The following DACH1 variants were observed in gnomAD, a reference collection of about 807,000 sequenced individuals.
The protein encoded by DACH1 is dachshund family transcription factor 1.
In DACH1, 12 loss-of-function variants were observed where a neutral mutation model predicts 54.2. That is an observed-to-expected ratio of 0.22 (90% CI 0.14 to 0.36). The LOEUF is 0.36. Among genes scored for constraint, DACH1 ranks in the 10% least tolerant of loss-of-function variants. DACH1 has a pLI of 1.00. For synonymous variants in DACH1, 386 were observed against 366.2 expected (o/e 1.05, Z -0.62); for missense variants, 805 against 929.8 (o/e 0.87, Z 1.75).
At chr13:71,534,338 A>T (rs940795095) in intron 6 of DACH1, among the ~76,000 whole-genome samples, 2 of 152,076 alleles carry the variant, frequency 1.3e-5, no homozygotes, top group Admixed American at 6.6e-5. Context: ...AAAAATATTT[A>T]AAAAATAGTT....
chr13:71,615,800 A>G (rs745458236), intron 3 of DACH1, among the ~76,000 whole-genome samples: 1 of 152,172 alleles, frequency 6.6e-6, no homozygotes, highest in Non-Finnish European at 1.5e-5. Context: ...GGAAAGTCTT[A>G]GCTTTTTAGA....
intron 1 of DACH1, among the ~76,000 whole-genome samples, chr13:71,765,971 C>G (rs1429462226): frequency 6.6e-6 from 1 of 151,356 alleles, no homozygotes; most frequent in Admixed American, 6.6e-5. Flanking sequence ...ACTGCAAGCT[C>G]CGCCTCCCGG....
intron 2 of DACH1, among the ~76,000 whole-genome samples, chr13:71,657,266 C>A (rs1459707327): frequency 6.6e-6 from 1 of 151,724 alleles, no homozygotes; most frequent in Non-Finnish European, 1.5e-5. Flanking sequence ...GCTTCCTAGG[C>A]CGGGTATAGT....
intron 1 of DACH1, among the ~76,000 whole-genome samples, chr13:71,857,081 A>G (rs1874049465): frequency 6.6e-6 from 1 of 151,898 alleles, no homozygotes; most frequent in African/African-American, 2.4e-5. Flanking sequence ...GTGTCATTTA[A>G]TAATGTACAG....
At chr13:71,833,160 T>C (rs1460785308) in intron 1 of DACH1, among the ~76,000 whole-genome samples, 1 of 151,828 alleles carries the variant, frequency 6.6e-6, no homozygotes, top group Non-Finnish European at 1.5e-5. Flanking sequence ...TGCATCAGAT[T>C]CATCTGTAGC....
At chr13:71,860,362 T>C (rs1160507673) in intron 1 of DACH1, among the ~76,000 whole-genome samples, 1 of 151,500 alleles carries the variant, frequency 6.6e-6, no homozygotes, top group Non-Finnish European at 1.5e-5. Flanking sequence ...CATAAAATGA[T>C]AAAACTTTAT....
At chr13:71,808,949 C>A (rs982005874) in intron 1 of DACH1, among the ~76,000 whole-genome samples, 9 of 152,080 alleles carry the variant, frequency 5.9e-5, no homozygotes, top group Admixed American at 4.6e-4. Context: ...AACACAAACA[C>A]AGGAATGAAA....
At chr13:71,537,831 G>C (rs1367735699) in intron 6 of DACH1, among the ~76,000 whole-genome samples, 1 of 151,974 alleles carries the variant, frequency 6.6e-6, no homozygotes, top group African/African-American at 2.4e-5. Flanking sequence ...CAGAATAGCT[G>C]CTCAATGAAT....
intron 1 of DACH1, among the ~76,000 whole-genome samples, chr13:71,755,096 A>C (rs990037620): frequency 1.3e-5 from 2 of 152,186 alleles, no homozygotes; most frequent in Non-Finnish European, 2.9e-5. Flanking sequence ...TGTTGCCTGG[A>C]AACACTCCAC....
At chr13:71,771,642 T>C (rs964908767) in intron 1 of DACH1, among the ~76,000 whole-genome samples, 1 of 151,484 alleles carries the variant, frequency 6.6e-6, no homozygotes, top group Non-Finnish European at 1.5e-5. Flanking sequence ...AATTATTCTG[T>C]TGTGATAGAT....
intron 1 of DACH1, among the ~76,000 whole-genome samples, chr13:71,715,253 T>C (rs1566453194): frequency 6.6e-6 from 1 of 152,136 alleles, no homozygotes; most frequent in African/African-American, 2.4e-5. Flanking sequence ...CTGTCACTTA[T>C]TAGATGTGTG....
chr13:71,728,274 C>A (rs1883566264), intron 1 of DACH1, among the ~76,000 whole-genome samples: 2 of 151,886 alleles, frequency 1.3e-5, no homozygotes, highest in Non-Finnish European at 2.9e-5. Context: ...CTGTATGATA[C>A]TTGCCAAAAC....
At chr13:71,490,796 C>G (rs996848036) in intron 6 of DACH1, among the ~76,000 whole-genome samples, 2 of 152,126 alleles carry the variant, frequency 1.3e-5, no homozygotes, top group African/African-American at 2.4e-5. Flanking sequence ...CATATATGTG[C>G]ATGTGAAATT....
intron 1 of DACH1, among the ~76,000 whole-genome samples, chr13:71,714,523 A>G (rs567215640): frequency 2.0e-5 from 3 of 152,064 alleles, no homozygotes; most frequent in Non-Finnish European, 4.4e-5. Flanking sequence ...TTGTAGGTGT[A>G]GGTTTACATT....
intron 2 of DACH1, among the ~76,000 whole-genome samples, chr13:71,637,695 T>C (rs1019692639): frequency 1.3e-5 from 2 of 152,206 alleles, no homozygotes; most frequent in Non-Finnish European, 2.9e-5. Flanking sequence ...GTTTTTCTTC[T>C]GCTTTCAACC....
chr13:71,493,274 C>A (rs1290346619), intron 6 of DACH1, among the ~76,000 whole-genome samples: 1 of 152,076 alleles, frequency 6.6e-6, no homozygotes, highest in Non-Finnish European at 1.5e-5. Context: ...TGACATGAGA[C>A]AGCCCTGTGG....
At chr13:71,618,720 TA>T (rs1875973413) in intron 3 of DACH1, among the ~76,000 whole-genome samples, 2 of 151,944 alleles carry the variant, frequency 1.3e-5, no homozygotes, top group Non-Finnish European at 1.5e-5. Context: ...GATTTTATTT[TA>T]AAAGCCTACT....
At chr13:71,545,161 T>C (rs1336537090) in intron 6 of DACH1, among the ~76,000 whole-genome samples, 1 of 152,098 alleles carries the variant, frequency 6.6e-6, no homozygotes, top group Non-Finnish European at 1.5e-5. Flanking sequence ...ATGAAGAAAC[T>C]GAAGGTCACG....
rs1033000750 is a variant in DACH1 at position 71,865,915 on chromosome 13, G to C, written c.848+7C>G. On this transcript the variant is annotated splice_region_variant and intron_variant, in intron 1 of 10. Coordinates refer to ENST00000613252, the MANE Select transcript of DACH1 (RefSeq NM_080759.6). ...GCGGGCGGCGGGGGCTATCCCCCCC[G>C]ACTCACCTTGCGTTGGTGCAGTCAT... is the stretch of plus-strand genomic sequence containing the variant. 1.1e-5 allele frequency: 17 copies of C among 1,593,950 alleles called. No individual in the cohort carries two copies. The highest frequency in any genetic ancestry group is 1.5e-5 in the Non-Finnish European group (17 of 1,169,714).
Sources: allele counts gnomAD v4.1 joint callset (sites outside exome capture counted in the v4.1 genomes callset), GRCh38; gene constraint gnomAD v4.1.1; transcripts MANE v1.5; gene names NCBI Gene and HGNC (gene_info 2026-07-23, HGNC 2026-07-21).